KCNQ1OT1: variants seen among roughly 807,000 people sequenced by gnomAD.
The protein encoded by KCNQ1OT1 is KCNQ1 antisense RNA 2 (non-protein coding).
chr11:2,663,580 G>A lies in KCNQ1OT1; in HGVS notation n.36415C>T. ...CTTCTGGCTGCTTGCTTCTCCTGTT[G>A]GAGCTCTCGCTCACCTTGGTTCTCT... is the stretch of plus-strand genomic sequence containing the variant. On this transcript the variant is annotated non_coding_transcript_exon_variant, in exon 1 of 1. Transcript: ENST00000597346. The surrounding 1 kb of genome is among the most constrained non-coding windows in gnomAD (Gnocchi z 5.2). 2.5e-6 allele frequency: 1 copy of A among 398,578 alleles called. No homozygotes were observed. The highest frequency in any genetic ancestry group is 3.6e-5 in the East Asian group (1 of 28,058). 24.7% of individuals were successfully genotyped at this position (398,578 alleles called of 1,614,324 possible).
exon 1 of KCNQ1OT1, chr11:2,644,489 ATTTCT>A (rs1486339655): frequency 5.0e-6 from 2 of 397,680 alleles, no homozygotes; most frequent in Non-Finnish European, 8.9e-6. Flanking sequence ...GTTTTTTCTG[ATTTCT>A]TTGTATAGTC....
At position 2,669,716 on chromosome 11, in the gene KCNQ1OT1, G is replaced by T; in HGVS notation, n.30279C>A. ...GTGTTAGGCATCCAGCCACATACCT[G>T]ACTCGGGGAAATGCCTGAAAATATT... On this transcript the variant is annotated non_coding_transcript_exon_variant, in exon 1 of 1. Transcript: ENST00000597346. This position sits in a 1 kb window ranked among gnomAD's most constrained non-coding sequence, Gnocchi z 5.6. 2.5e-6 allele frequency: 1 copy of T among 398,654 alleles called. No homozygotes were observed. Among genetic ancestry groups the T allele is most frequent in the South Asian group, 1.3e-4 (1 of 7,846 alleles). 24.7% of individuals were successfully genotyped at this position (398,654 alleles called of 1,614,324 possible). A position where few individuals can be genotyped will look rare whatever the true frequency, so the allele number is the denominator to read the frequency against.
chr11:2,662,194 A>T, exon 1 of KCNQ1OT1: 1 of 1,436,292 alleles, frequency 7.0e-7, no homozygotes, highest in South Asian at 1.2e-5. Flanking sequence ...CTACTCGCCT[A>T]GTGCCCACCA....
exon 1 of KCNQ1OT1, chr11:2,667,737 G>A (rs192536035): frequency 4.1e-4 from 165 of 398,798 alleles, no homozygotes; most frequent in Non-Finnish European, 6.5e-4. Context: ...AAGTGAGGGA[G>A]TGGGATGGGG....
chr11:2,680,206 T>TAAAA (rs139249507), exon 1 of KCNQ1OT1: 2 of 362,332 alleles, frequency 5.5e-6, no homozygotes, highest in African/African-American at 2.4e-5. Context: ...CTTGCCTAAT[T>TAAAA]AAAAAAAAAA....
At chr11:2,644,246 A>G (rs1849629396) in exon 1 of KCNQ1OT1, 1 of 398,500 alleles carries the variant, frequency 2.5e-6, no homozygotes, top group East Asian at 3.6e-5. Context: ...ATGGCATCCT[A>G]TAGTCACATA....
exon 1 of KCNQ1OT1, chr11:2,644,680 A>G (rs554209358): frequency 7.5e-6 from 3 of 398,356 alleles, no homozygotes; most frequent in South Asian, 2.6e-4. Context: ...GTTTCTTCCA[A>G]TTTTTTGATC....
Position 2,625,383 on chromosome 11 carries a change from G to A in KCNQ1OT1, n.74612C>T, listed in dbSNP as rs1849246150. 3 of 398,444 alleles carry A rather than the reference G, an allele frequency of 7.5e-6. No homozygotes were observed. Among genetic ancestry groups the A allele is most frequent in the Admixed American group, 4.4e-5 (1 of 22,700 alleles). 24.7% of individuals were successfully genotyped at this position (398,444 alleles called of 1,614,324 possible). A position where few individuals can be genotyped will look rare whatever the true frequency, so the allele number is the denominator to read the frequency against. On this transcript the variant is annotated non_coding_transcript_exon_variant, in exon 1 of 1. Coordinates refer to ENST00000597346, the Ensembl canonical transcript of KCNQ1OT1. ...CTATCCTCCCACCTTAACCTCCCAC[G>A]TAGCTGATACTAGAGATGGGTCTCA...
At chr11:2,694,279 C>T (rs1417808297) in exon 1 of KCNQ1OT1, 4 of 398,570 alleles carry the variant, frequency 1.0e-5, no homozygotes, top group African/African-American at 4.1e-5. Context: ...ACAGCAGAGA[C>T]ACCATCCCAG....
exon 1 of KCNQ1OT1, chr11:2,686,872 T>C (rs1850498299): frequency 5.0e-6 from 2 of 398,662 alleles, no homozygotes; most frequent in East Asian, 7.1e-5. Context: ...CTGGTTTGTG[T>C]CTGCCCAGTG....
exon 1 of KCNQ1OT1, chr11:2,667,293 G>A (rs1016940005): frequency 7.5e-6 from 3 of 398,530 alleles, no homozygotes; most frequent in South Asian, 1.3e-4. Context: ...TGGGGAGAGG[G>A]CCGCACTGTC....
chr11:2,666,498 C>G, exon 1 of KCNQ1OT1: 1 of 398,700 alleles, frequency 2.5e-6, no homozygotes, highest in Non-Finnish European at 4.4e-6. Flanking sequence ...TTGCTCTTTT[C>G]CAGCAAGGCC....
At position 2,647,235 on chromosome 11, in the gene KCNQ1OT1, G is replaced by A; in HGVS notation, n.52760C>T. On this transcript the variant is annotated non_coding_transcript_exon_variant, in exon 1 of 1. Transcript: ENST00000597346. The surrounding 1 kb of genome is among the most constrained non-coding windows in gnomAD (Gnocchi z 4.0). ...TTTCTGCATCTATTGAGATGATCAT[G>A]TATTTTTTTGTCCTTCCTTCTGTTA... is the stretch of plus-strand genomic sequence containing the variant. The A allele has an allele frequency of 5.0e-6, 2 of 398,396 alleles. No homozygotes were observed. The highest frequency in any genetic ancestry group is 2.6e-4 in the South Asian group (2 of 7,792). 24.7% of individuals were successfully genotyped at this position (398,396 alleles called of 1,614,324 possible). A position where few individuals can be genotyped will look rare whatever the true frequency, so the allele number is the denominator to read the frequency against.
At position 2,673,058 on chromosome 11, in the gene KCNQ1OT1, G is replaced by A. The variant is rs76172525; in HGVS notation, n.26937C>T. 3.6e-3 allele frequency: 1,427 copies of A among 398,828 alleles called. 5 individuals are homozygous for A. Among genetic ancestry groups the A allele is most frequent in the Middle Eastern group, 0.013 (20 of 1,588 alleles). 24.7% of individuals were successfully genotyped at this position (398,828 alleles called of 1,614,324 possible). ...TCTAGGGCTGGCCAAAAGGGACAGT[G>A]AAGTTGGCTTCTCAGGCCACAGTAG... On this transcript the variant is annotated non_coding_transcript_exon_variant, in exon 1 of 1. Transcript: ENST00000597346. The surrounding 1 kb of genome is among the most constrained non-coding windows in gnomAD (Gnocchi z 4.5).
At chr11:2,694,359 G>A in exon 1 of KCNQ1OT1, 1 of 398,678 alleles carries the variant, frequency 2.5e-6, no homozygotes, top group East Asian at 3.6e-5. Context: ...GCAATGTCTG[G>A]AGATATTTTT....
chr11:2,620,435 C>T lies in KCNQ1OT1; in HGVS notation n.79560G>A, dbSNP rs182783332. The T allele has an allele frequency of 1.2e-4, 32 of 271,722 alleles. No individual in the cohort carries two copies. Among genetic ancestry groups the T allele is most frequent in the African/African-American group, 6.1e-4 (28 of 45,674 alleles). The allele number at this position is 271,722 out of a possible 1,614,324, so 16.8% of individuals were successfully genotyped here. A position where few individuals can be genotyped will look rare whatever the true frequency, so the allele number is the denominator to read the frequency against. ...TTTTCCATGTTGGTCAGGCTGGTCTCGAACTCCTGACCTCAGGTGATCCAC... is the reference window on the plus strand; with the variant it reads ...TTTTCCATGTTGGTCAGGCTGGTCTTGAACTCCTGACCTCAGGTGATCCAC... On this transcript the variant is annotated non_coding_transcript_exon_variant, in exon 1 of 1. Coordinates refer to ENST00000597346, the Ensembl canonical transcript of KCNQ1OT1. This position sits in a 1 kb window ranked among gnomAD's most constrained non-coding sequence, Gnocchi z 4.5.
exon 1 of KCNQ1OT1, chr11:2,672,369 G>A (rs1210256251): frequency 5.0e-6 from 2 of 397,292 alleles, no homozygotes; most frequent in African/African-American, 2.1e-5. Context: ...GCCTTCACAG[G>A]CTGATATGAT....
At chr11:2,662,408 G>A (rs1296088245) in exon 1 of KCNQ1OT1, 6 of 475,144 alleles carry the variant, frequency 1.3e-5, no homozygotes, top group African/African-American at 2.0e-5. Flanking sequence ...AAAAAGAGAC[G>A]ACTTTGTTTT....
exon 1 of KCNQ1OT1, chr11:2,672,060 C>T (rs775938555): frequency 1.2e-4 from 49 of 398,616 alleles, no homozygotes; most frequent in Non-Finnish European, 1.9e-4. Flanking sequence ...CCAGTATCCT[C>T]CCCTGGTCCC....
Sources: gnomAD v4.1 joint callset for allele counts on GRCh38, gnomAD v4.1.1 for gene constraint, Gnocchi (gnomAD v3.1) non-coding constraint, MANE v1.5 for transcripts, NCBI Gene and HGNC (gene_info 2026-07-23, HGNC 2026-07-21) for gene names.